HERC3: variants seen among roughly 807,000 people sequenced by gnomAD.
HERC3 encodes HECT and RLD domain containing E3 ubiquitin protein ligase 3, also known as probable E3 ubiquitin-protein ligase HERC3.
HERC3 carries 58 observed loss-of-function variants against 129.9 expected under a neutral mutation model. That is an observed-to-expected ratio of 0.45 (90% CI 0.36 to 0.56). HERC3 has a LOEUF of 0.56. HERC3 is among the 20% of genes least tolerant of loss of function. The pLI, the probability that HERC3 is intolerant of heterozygous loss-of-function variation, is 0.00. For missense variants in HERC3, 835 were observed against 1,244.2 expected (o/e 0.67, Z 4.95); for synonymous variants, 430 against 451.0 (o/e 0.95, Z 0.59).
the HERC3 span, among the ~76,000 whole-genome samples, chr4:88,570,155 A>T: frequency 2.0e-5 from 3 of 152,210 alleles, no homozygotes; most frequent in African/African-American, 7.2e-5. Context: ...ATTCCTAAAA[A>T]TTCCTTCAAG....
the HERC3 span, among the ~76,000 whole-genome samples, chr4:88,539,574 G>C: frequency 2.0e-5 from 3 of 152,014 alleles, no homozygotes; most frequent in Non-Finnish European, 4.4e-5. Context: ...GCAGTGGCAC[G>C]GCGTTTGAGC....
intron 23 of HERC3, among the ~76,000 whole-genome samples, chr4:88,699,432 A>C (rs1158880674): frequency 8.3e-6 from 1 of 120,946 alleles, no homozygotes; most frequent in Non-Finnish European, 1.7e-5. Flanking sequence ...ACCTTCCCCC[A>C]ACCGTCTTCT....
chr4:88,685,833 A>G (rs1020596916), intron 21 of HERC3, among the ~76,000 whole-genome samples: 1 of 152,134 alleles, frequency 6.6e-6, no homozygotes, highest in African/African-American at 2.4e-5. Context: ...TCTTCTATAT[A>G]TATTTTATCT....
At chr4:88,620,881 G>A (rs1725437974) in intron 3 of HERC3, among the ~76,000 whole-genome samples, 1 of 152,014 alleles carries the variant, frequency 6.6e-6, no homozygotes, top group African/African-American at 2.4e-5. Context: ...CTGCTCCCAT[G>A]GCACCTTATT....
In HERC3 at chr4:88,605,788, C is replaced by T. The variant is rs1322043722; in HGVS notation, c.-29-7C>T. ...TTAAAAAATAATTTTTTTAAACTCT[C>T]TCCTAGGCTACATGATTCCCTGAAA... On this transcript the variant is annotated splice_polypyrimidine_tract_variant and splice_region_variant and intron_variant, in intron 2 of 25. Coordinates refer to ENST00000402738, the MANE Select transcript of HERC3 (RefSeq NM_014606.3). The T allele has an allele frequency of 3.2e-6, 5 of 1,547,972 alleles. No homozygotes were observed. The highest frequency in any genetic ancestry group is 4.5e-6 in the Non-Finnish European group (5 of 1,120,378).
intron 2 of HERC3, 24 bp downstream of exon 2, chr4:88,595,638 C>G (rs749515405): frequency 2.6e-5 from 4 of 152,064 alleles, no homozygotes; most frequent in Non-Finnish European, 5.9e-5. Context: ...TTTTTCTGGA[C>G]CTCAGTTTTT....
chr4:88,550,504 A>T, the HERC3 span, among the ~76,000 whole-genome samples: 1 of 138,108 alleles, frequency 7.2e-6, no homozygotes, highest in Admixed American at 7.0e-5. Flanking sequence ...ACAAACAGAG[A>T]GCCAAATCAT....
chr4:88,640,735 AAAAT>A (rs565440430), intron 3 of HERC3, among the ~76,000 whole-genome samples: 19 of 152,314 alleles, frequency 1.2e-4, no homozygotes, highest in South Asian at 6.2e-4. Context: ...TAAAGGAGAA[AAAAT>A]AAATAAATAA....
the HERC3 span, among the ~76,000 whole-genome samples, chr4:88,586,787 T>A: frequency 2.0e-5 from 3 of 152,238 alleles, no homozygotes; most frequent in African/African-American, 7.2e-5. Context: ...TTTAACACAT[T>A]TCATATAGCA....
At chr4:88,614,066 C>G (rs985706846) in intron 3 of HERC3, among the ~76,000 whole-genome samples, 4 of 152,084 alleles carry the variant, frequency 2.6e-5, no homozygotes, top group African/African-American at 9.7e-5. Flanking sequence ...GTATTTGTGA[C>G]TTTTAAAAAC....
At chr4:88,626,856 A>C (rs961609120) in intron 3 of HERC3, among the ~76,000 whole-genome samples, 12 of 151,470 alleles carry the variant, frequency 7.9e-5, no homozygotes, top group Non-Finnish European at 1.6e-4. Flanking sequence ...TTTTGGTTTC[A>C]ATGATTTTTA....
At chr4:88,532,988 C>T in the HERC3 span, among the ~76,000 whole-genome samples, 2 of 152,152 alleles carry the variant, frequency 1.3e-5, no homozygotes, top group African/African-American at 4.8e-5. Context: ...AGGTGAAGTC[C>T]CACAGCAGGC....
the HERC3 span, among the ~76,000 whole-genome samples, chr4:88,581,354 G>A: frequency 2.0e-5 from 3 of 151,632 alleles, no homozygotes; most frequent in East Asian, 1.9e-4. Flanking sequence ...AGGCTGGAGT[G>A]CAATGGCATG....
intron 1 of HERC3, among the ~76,000 whole-genome samples, chr4:88,594,242 T>C (rs927260217): frequency 1.3e-5 from 2 of 152,212 alleles, no homozygotes; most frequent in African/African-American, 2.4e-5. Flanking sequence ...TTAAATTTCT[T>C]AAGATTTGTA....
intron 12 of HERC3, among the ~76,000 whole-genome samples, chr4:88,665,537 A>T (rs1300714877): frequency 6.6e-6 from 1 of 152,202 alleles, no homozygotes; most frequent in Admixed American, 6.5e-5. Context: ...GCCTACCCAC[A>T]CTGAATGAGG....
chr4:88,660,528 T>C (rs17014353), intron 10 of HERC3, among the ~76,000 whole-genome samples: 7,124 of 152,264 alleles, frequency 0.047, 212 homozygotes, highest in Middle Eastern at 0.12. Context: ...TATAAAAGGC[T>C]GACTCATTCA....
At chr4:88,655,068 A>G in intron 7 of HERC3, 106 bp from the exon 8 acceptor site, 3 of 1,099,446 alleles carry the variant, frequency 2.7e-6, no homozygotes, top group African/African-American at 3.1e-5. Flanking sequence ...TGTCAAGTGA[A>G]TGTAGTGCTC....
chr4:88,676,306 A>G (rs780178437), intron 17 of HERC3, 28 bp from the exon 18 acceptor site: 3 of 1,571,768 alleles, frequency 1.9e-6, no homozygotes, highest in Middle Eastern at 1.7e-4. Context: ...GAATAGTATA[A>G]TACTGTCAAT....
chr4:88,558,012 G>A, the HERC3 span, among the ~76,000 whole-genome samples: 59 of 149,010 alleles, frequency 4.0e-4, no homozygotes, highest in East Asian at 3.9e-4. Context: ...CGGAGGTTGC[G>A]GTGAGTCGAG....
Sources: allele counts gnomAD v4.1 joint callset (sites outside exome capture counted in the v4.1 genomes callset), GRCh38; gene constraint gnomAD v4.1.1; transcripts MANE v1.5; gene names NCBI Gene and HGNC (gene_info 2026-07-23, HGNC 2026-07-21).